TOR1AIP1: variants seen among roughly 807,000 people sequenced by gnomAD.
The protein encoded by TOR1AIP1 is torsin-1A-interacting protein 1.
TOR1AIP1 carries 54 observed loss-of-function variants against 63.3 expected under a neutral mutation model. The ratio of observed to expected loss-of-function variants is 0.85; its 90% confidence interval spans 0.69 to 1.07. The LOEUF (loss-of-function observed/expected upper bound fraction) is 1.07. TOR1AIP1 is among the 50% of genes least tolerant of loss of function. The probability of loss-of-function intolerance (pLI) is 0.00; values close to 1 mark genes in which losing one functional copy is unlikely to be tolerated. For missense variants in TOR1AIP1, 736 were observed against 715.0 expected, an observed-to-expected ratio of 1.03 and a Z score of -0.33; for synonymous variants, 294 against 273.5, an observed-to-expected ratio of 1.07 and a Z score of -0.74.
intron 9 of TOR1AIP1, among the ~76,000 whole-genome samples, chr1:179,916,837 G>A (rs1283101521): frequency 1.3e-5 from 2 of 150,690 alleles, no homozygotes; most frequent in Non-Finnish European, 2.9e-5. Context: ...CCAAGTAGCT[G>A]GACTACAGGT....
intron 1 of TOR1AIP1, among the ~76,000 whole-genome samples, chr1:179,883,347 T>G (rs1209774208): frequency 2.6e-5 from 4 of 152,218 alleles, no homozygotes; most frequent in African/African-American, 9.6e-5. Context: ...TGCGGATGTT[T>G]CTACAGAAAC....
chr1:179,916,228 C>G (rs180931894), intron 9 of TOR1AIP1, among the ~76,000 whole-genome samples: 24 of 152,306 alleles, frequency 1.6e-4, no homozygotes, highest in Admixed American at 1.4e-3. Flanking sequence ...GCTAAGGCAT[C>G]AGAAGTTTTT....
chr1:179,896,988 T>A (rs985078803), intron 3 of TOR1AIP1, among the ~76,000 whole-genome samples: 10 of 152,196 alleles, frequency 6.6e-5, no homozygotes, highest in African/African-American at 2.4e-4. Flanking sequence ...CGGGGATTAT[T>A]ATTATTTAAG....
intron 9 of TOR1AIP1, among the ~76,000 whole-genome samples, chr1:179,914,613 G>A (rs145469835): frequency 6.6e-6 from 1 of 152,210 alleles, no homozygotes. Context: ...GGCCAACATG[G>A]TGAAACCCCA....
Position 179,917,451 on chromosome 1 carries a change from G to C in TOR1AIP1, c.965-1G>C, listed in dbSNP as rs1649054778. 2 of 1,608,770 alleles carry C rather than the reference G, an allele frequency of 1.2e-6. No individual in the cohort carries two copies. The highest frequency in any genetic ancestry group is 2.2e-5 in the South Asian group (2 of 90,376). ...CTGTCATTTCTTTTTTGTCTGAGTA[G>C]AAGTGACTGGACAACCCCAAAATGC... On this transcript the variant is annotated splice_acceptor_variant, in intron 9 of 9. Transcript: ENST00000606911. LOFTEE classifies it high-confidence loss of function.
At chr1:179,889,407 A>G (rs775117701) in intron 3 of TOR1AIP1, 38 bp downstream of exon 3, 1 of 1,527,996 alleles carries the variant, frequency 6.5e-7, no homozygotes, top group East Asian at 2.3e-5. Context: ...CCTTTGTTAT[A>G]AATACAGTTT....
At chr1:179,910,141 C>CTTTGAACTCACTTTCTATAAT (rs1648785281) in intron 8 of TOR1AIP1, among the ~76,000 whole-genome samples, 1 of 152,168 alleles carries the variant, frequency 6.6e-6, no homozygotes, top group Admixed American at 6.5e-5. Context: ...AACCATCGTA[C>CTTTGAACTCACTTTCTATAAT]TTTGAACTCA....
At chr1:179,895,745 C>T (rs891603577) in intron 3 of TOR1AIP1, among the ~76,000 whole-genome samples, 3 of 151,854 alleles carry the variant, frequency 2.0e-5, no homozygotes, top group Non-Finnish European at 2.9e-5. Context: ...ACTAAAAATA[C>T]AAAAATTAGC....
At chr1:179,893,200 G>A (rs532780711) in intron 3 of TOR1AIP1, among the ~76,000 whole-genome samples, 2 of 152,026 alleles carry the variant, frequency 1.3e-5, no homozygotes, top group East Asian at 1.9e-4. Flanking sequence ...CCGAGATTGC[G>A]CCATTGCACT....
chr1:179,912,311 C>T (rs1028498482), intron 8 of TOR1AIP1, among the ~76,000 whole-genome samples: 31 of 152,084 alleles, frequency 2.0e-4, no homozygotes, highest in African/African-American at 7.2e-4. Context: ...TGAGCCACTG[C>T]GCCCAGCTGA....
chr1:179,907,920 T>C (rs1648704701), intron 7 of TOR1AIP1, 56 bp downstream of exon 7: 1 of 1,246,554 alleles, frequency 8.0e-7, no homozygotes, highest in Non-Finnish European at 1.1e-6. Context: ...TCTCTTTTTT[T>C]TTTTTTTTTT....
Position 179,919,532 on chromosome 1 carries a change from G to C in TOR1AIP1, c.*1293G>C, listed in dbSNP as rs1649129204. The stretch of plus-strand genomic sequence containing the variant: ...GCCAAGATAGTGAATTTATATGAAG[G>C]GTGTGAAATGTATTTCTTTACTACT... On this transcript the variant is annotated 3_prime_UTR_variant, in exon 10 of 10. Transcript: ENST00000606911. The C allele has an allele frequency of 6.6e-6, 1 of 152,064 alleles. No individual in the cohort carries two copies. Among genetic ancestry groups the C allele is most frequent in the Non-Finnish European group, 1.5e-5 (1 of 68,006 alleles). 9.4% of individuals were successfully genotyped at this position (152,064 alleles called of 1,614,324 possible). A position where few individuals can be genotyped will look rare whatever the true frequency, so the allele number is the denominator to read the frequency against.
At chr1:179,888,886 T>G (rs1647981667) in intron 2 of TOR1AIP1, among the ~76,000 whole-genome samples, 1 of 152,238 alleles carries the variant, frequency 6.6e-6, no homozygotes, top group Non-Finnish European at 1.5e-5. Context: ...TTAAATAGAA[T>G]GAGCGTATTG....
chr1:179,897,915 T>C (rs1038889607), intron 3 of TOR1AIP1, among the ~76,000 whole-genome samples: 1 of 152,104 alleles, frequency 6.6e-6, no homozygotes, highest in African/African-American at 2.4e-5. Context: ...CTGGGCAACA[T>C]GGCAAACAAA....
intron 3 of TOR1AIP1, among the ~76,000 whole-genome samples, chr1:179,892,149 A>T: frequency 6.6e-6 from 1 of 152,154 alleles, no homozygotes; most frequent in East Asian, 1.9e-4. Context: ...TCTTTCACTT[A>T]AGTTCAGGCC....
chr1:179,919,966 AAT>A lies in TOR1AIP1; in HGVS notation c.*1730_*1731del, dbSNP rs1389602643. The A allele has an allele frequency of 6.6e-6, 1 of 152,364 alleles. No homozygotes were observed. The highest frequency in any genetic ancestry group is 1.5e-5 in the Non-Finnish European group (1 of 68,040). 9.4% of individuals were successfully genotyped at this position (152,364 alleles called of 1,614,324 possible). On this transcript the variant is annotated 3_prime_UTR_variant, in exon 10 of 10. Coordinates refer to ENST00000606911, the MANE Select transcript of TOR1AIP1 (RefSeq NM_015602.4). ...TCATTGACCCAAGTAATTTAAAAGT[AAT>A]ATGTTACCTATGTCTTTCAGGAAAA...
intron 7 of TOR1AIP1, 103 bp downstream of exon 7, chr1:179,907,967 A>C (rs931157359): frequency 7.0e-6 from 5 of 714,164 alleles, no homozygotes; most frequent in Non-Finnish European, 9.8e-6. Flanking sequence ...CCCAGGCTGG[A>C]GTGCAATCTG....
chr1:179,889,397 C>T (rs771340835), intron 3 of TOR1AIP1, 28 bp downstream of exon 3: 2 of 1,572,106 alleles, frequency 1.3e-6, no homozygotes, highest in Non-Finnish European at 1.7e-6. Flanking sequence ...TGTTGGTTTA[C>T]CTTTGTTATA....
At chr1:179,898,370 G>A (rs1648349258) in intron 3 of TOR1AIP1, among the ~76,000 whole-genome samples, 1 of 152,092 alleles carries the variant, frequency 6.6e-6, no homozygotes, top group Non-Finnish European at 1.5e-5. Context: ...TAAGGACTTA[G>A]CATTTTAAGA....
Sources: gnomAD v4.1 joint callset for allele counts (sites outside exome capture counted in the v4.1 genomes callset) on GRCh38, gnomAD v4.1.1 for gene constraint, MANE v1.5 for transcripts, NCBI Gene and HGNC (gene_info 2026-07-23, HGNC 2026-07-21) for gene names.